RXFP1: variants seen among roughly 807,000 people sequenced by gnomAD.
RXFP1 encodes the protein relaxin family peptide receptor 1.
Under a neutral mutation model 89.8 loss-of-function variants are expected in RXFP1, and 73 were observed. That is an observed-to-expected ratio of 0.81 (90% CI 0.67 to 0.99). The LOEUF is 0.99. Among genes scored for constraint, RXFP1 ranks in the 50% least tolerant of loss-of-function variants. RXFP1 has a pLI of 0.00. For synonymous variants in RXFP1, 277 were observed against 305.5 expected, an observed-to-expected ratio of 0.91 and a Z score of 0.97; for missense variants, 793 against 895.5, an observed-to-expected ratio of 0.89 and a Z score of 1.46.
At chr4:158,581,433 G>T (rs1757337880) in intron 2 of RXFP1, among the ~76,000 whole-genome samples, 2 of 152,192 alleles carry the variant, frequency 1.3e-5, no homozygotes, top group African/African-American at 4.8e-5. Context: ...TAATCATTGT[G>T]TAGTAGGGCC....
Position 158,652,056 on chromosome 4 carries a change from C to A in RXFP1, c.*1C>A. On this transcript the variant is annotated 3_prime_UTR_variant, in exon 18 of 18. Transcript: ENST00000307765. ...AACGAGACTCAATTCCTATTCATGA[C>A]TGACTCTGAAATTCATTTCTTCGCA... The A allele has an allele frequency of 6.2e-7, 1 of 1,601,804 alleles. No homozygotes were observed. The highest frequency in any genetic ancestry group is 8.5e-7 in the Non-Finnish European group (1 of 1,172,228).
intron 2 of RXFP1, among the ~76,000 whole-genome samples, chr4:158,591,416 G>A (rs1031035930): frequency 6.6e-6 from 1 of 152,054 alleles, no homozygotes; most frequent in African/African-American, 2.4e-5. Context: ...GGTTTCTGGG[G>A]CACTGTCCCT....
intron 3 of RXFP1, among the ~76,000 whole-genome samples, chr4:158,597,893 A>T (rs1760942650): frequency 6.6e-6 from 1 of 152,168 alleles, no homozygotes; most frequent in Non-Finnish European, 1.5e-5. Context: ...GACATCCACA[A>T]CCAAAGTGGG....
Position 158,554,237 on chromosome 4 carries a change from C to T in RXFP1, c.50-18461C>T, listed in dbSNP as rs141711222. Among the ~76,000 whole-genome samples, 79 of 152,170 alleles carry T rather than the reference C, an allele frequency of 5.2e-4. No individual in the cohort carries two copies. In the East Asian group the frequency reaches 0.013, roughly 26 times the overall value. ...GATTTTTTCTCTATAGCTAAGAAAC[C>T]GTATTTTTACACTCTTGAATTATCT... On this transcript the variant is annotated intron_variant, in intron 1 of 17. Coordinates refer to ENST00000307765, the MANE Select transcript of RXFP1 (RefSeq NM_021634.4).
At chr4:158,558,946 C>T (rs1751890593) in intron 1 of RXFP1, among the ~76,000 whole-genome samples, 1 of 152,090 alleles carries the variant, frequency 6.6e-6, no homozygotes, top group Admixed American at 6.5e-5. Flanking sequence ...GTAATATTAG[C>T]CTCAACAGAT....
intron 6 of RXFP1, among the ~76,000 whole-genome samples, chr4:158,609,347 T>C (rs762405501): frequency 1.3e-4 from 20 of 152,194 alleles, no homozygotes; most frequent in Non-Finnish European, 1.9e-4. Context: ...TCTCGTTTCA[T>C]TTGTTTGTTT....
At chr4:158,538,261 C>CG (rs1049610034) in intron 1 of RXFP1, among the ~76,000 whole-genome samples, 178 of 152,280 alleles carry the variant, frequency 1.2e-3, no homozygotes, top group Admixed American at 3.4e-3. Flanking sequence ...CCTCTGGCTG[C>CG]TGTGTGGAGA....
intron 3 of RXFP1, among the ~76,000 whole-genome samples, chr4:158,594,978 C>A (rs903681991): frequency 6.6e-6 from 1 of 151,908 alleles, no homozygotes; most frequent in Non-Finnish European, 1.5e-5. Context: ...CATTATTTTT[C>A]TAAGGTTGCA....
intron 3 of RXFP1, among the ~76,000 whole-genome samples, chr4:158,594,536 TA>T (rs1381572018): frequency 6.6e-6 from 1 of 152,004 alleles, no homozygotes; most frequent in Non-Finnish European, 1.5e-5. Context: ...GTGCCTAAAA[TA>T]AATAGTGCTT....
chr4:158,575,612 C>T (rs1335838346), intron 2 of RXFP1, among the ~76,000 whole-genome samples: 1 of 152,278 alleles, frequency 6.6e-6, no homozygotes, highest in Non-Finnish European at 1.5e-5. Context: ...CATCTCTCCA[C>T]CATGTAAGGA....
chr4:158,651,339 T>G (rs927020490), intron 17 of RXFP1, among the ~76,000 whole-genome samples: 9 of 152,200 alleles, frequency 5.9e-5, no homozygotes, highest in African/African-American at 2.2e-4. Flanking sequence ...AAATACAAGC[T>G]TACATATTCT....
At chr4:158,606,721 C>A (rs924372465) in intron 5 of RXFP1, among the ~76,000 whole-genome samples, 2 of 151,330 alleles carry the variant, frequency 1.3e-5, no homozygotes, top group African/African-American at 4.8e-5. Context: ...GTAGCTAGGA[C>A]TACAGGCATG....
At chr4:158,637,971 T>C in intron 12 of RXFP1, 37 bp from the exon 13 acceptor site, 2 of 1,318,434 alleles carry the variant, frequency 1.5e-6, no homozygotes, top group Non-Finnish European at 2.2e-6. Context: ...CATGTAGTTT[T>C]TAGAAATGAC....
At chr4:158,536,578 A>C in intron 1 of RXFP1, among the ~76,000 whole-genome samples, 1 of 152,216 alleles carries the variant, frequency 6.6e-6, no homozygotes, top group East Asian at 1.9e-4. Flanking sequence ...GCAGGTAATT[A>C]TTAACCCAAG....
At chr4:158,636,662 C>A (rs1769228669) in intron 12 of RXFP1, among the ~76,000 whole-genome samples, 1 of 152,154 alleles carries the variant, frequency 6.6e-6, no homozygotes, top group Admixed American at 6.5e-5. Flanking sequence ...TTTATCAGTA[C>A]AACATGATGT....
intron 14 of RXFP1, among the ~76,000 whole-genome samples, chr4:158,641,063 AC>A (rs1467715998): frequency 2.0e-5 from 3 of 152,096 alleles, no homozygotes; most frequent in Non-Finnish European, 4.4e-5. Context: ...GCTACCATCA[AC>A]TCTGTAATCT....
At chr4:158,588,802 C>G (rs1258095284) in intron 2 of RXFP1, among the ~76,000 whole-genome samples, 1 of 152,200 alleles carries the variant, frequency 6.6e-6, no homozygotes, top group Non-Finnish European at 1.5e-5. Context: ...TCCTCATGAT[C>G]TGTTCCATTG....
At chr4:158,635,161 G>A (rs933589493) in intron 12 of RXFP1, among the ~76,000 whole-genome samples, 4 of 152,016 alleles carry the variant, frequency 2.6e-5, no homozygotes, top group African/African-American at 7.2e-5. Flanking sequence ...TGTGAACATA[G>A]CATGTCTTTC....
chr4:158,638,359 T>C (rs943537940), intron 13 of RXFP1, among the ~76,000 whole-genome samples: 1 of 152,230 alleles, frequency 6.6e-6, no homozygotes, highest in Non-Finnish European at 1.5e-5. Flanking sequence ...CAAAGACATC[T>C]GTGCATATTC....
Sources: allele counts gnomAD v4.1 joint callset (sites outside exome capture counted in the v4.1 genomes callset), GRCh38; gene constraint gnomAD v4.1.1; transcripts MANE v1.5; gene names NCBI Gene and HGNC (gene_info 2026-07-23, HGNC 2026-07-21).